Variants in SCAPER observed in about 807,000 individuals in gnomAD.
The protein encoded by SCAPER is S phase cyclin A-associated protein in the endoplasmic reticulum.
A neutral mutation model predicts 182.2 loss-of-function variants in SCAPER; 98 were observed. The observed-to-expected ratio is 0.54, with a 90% confidence interval of 0.46 to 0.64. SCAPER has a LOEUF of 0.64. Ranked by LOEUF, SCAPER falls within the 30% of genes least tolerant of loss-of-function variation. SCAPER has a pLI of 0.00. For missense variants in SCAPER, 1,432 were observed against 1,690.0 expected (o/e 0.85, Z 2.68); for synonymous variants, 605 against 564.6 (o/e 1.07, Z -1.01).
At chr15:76,453,796 T>C (rs929074548) in intron 25 of SCAPER, among the ~76,000 whole-genome samples, 13 of 152,230 alleles carry the variant, frequency 8.5e-5, no homozygotes, top group African/African-American at 3.1e-4. Context: ...GGGTATGGCA[T>C]AAGTATTTAA....
chr15:76,429,245 G>C (rs940839222), intron 26 of SCAPER, among the ~76,000 whole-genome samples: 3 of 152,052 alleles, frequency 2.0e-5, no homozygotes, highest in Non-Finnish European at 1.5e-5. Context: ...TCTTGGTTAT[G>C]TCTTTATCAG....
chr15:76,829,301 C>G (rs1329071747), intron 5 of SCAPER, among the ~76,000 whole-genome samples: 2 of 152,050 alleles, frequency 1.3e-5, no homozygotes, highest in African/African-American at 2.4e-5. Context: ...TCTGGGGACT[C>G]AGGAAAGGTG....
chr15:76,700,733 T>C (rs2058896987), intron 20 of SCAPER, among the ~76,000 whole-genome samples: 1 of 152,162 alleles, frequency 6.6e-6, no homozygotes, highest in African/African-American at 2.4e-5. Flanking sequence ...ACAGACATGT[T>C]CCTGATGCTA....
intron 23 of SCAPER, among the ~76,000 whole-genome samples, chr15:76,524,423 C>A (rs1400878376): frequency 6.6e-6 from 1 of 152,032 alleles, no homozygotes; most frequent in East Asian, 1.9e-4. Context: ...AAGAGAAGAT[C>A]ATTACTTCTG....
At chr15:76,610,797 C>T (rs2050908933) in intron 22 of SCAPER, among the ~76,000 whole-genome samples, 1 of 152,236 alleles carries the variant, frequency 6.6e-6, no homozygotes, top group South Asian at 2.1e-4. Flanking sequence ...TAAATAGATA[C>T]CCCATGTTAA....
rs145230327 is a variant in SCAPER at position 76,661,403 on chromosome 15, T to A, written c.2645+4250A>T. Among the ~76,000 whole-genome samples the A allele has an allele frequency of 7.7e-3, 1,172 of 152,164 alleles. 13 individuals carry two copies. Among genetic ancestry groups the A allele is most frequent in the African/African-American group, 0.027 (1,124 of 41,518 alleles). On this transcript the variant is annotated intron_variant, in intron 21 of 31. Transcript: ENST00000563290. The stretch of plus-strand genomic sequence containing the variant: ...AAGAGCAAACAGGCAACCTACAGAA[T>A]GGGAGAAAAATTTTTCAATCTACCC...
rs1555617105 is a variant in SCAPER, at chr15:76,813,249, A to AAAAAC, written c.394-8617_394-8616insGTTTT. On this transcript the variant is annotated intron_variant, in intron 5 of 31. Transcript: ENST00000563290. ...CACTAAAAAAAAAAAAAAAAAAAAA[A>AAAAAC]AAAAAACAACTCAACAAAATAGGTA... Among the ~76,000 whole-genome samples, 111 of 60,170 alleles carry AAAAAC rather than the reference A, an allele frequency of 1.8e-3. 5 individuals carry two copies. Among genetic ancestry groups the AAAAAC allele is most frequent in the Non-Finnish European group, 3.8e-3 (82 of 21,528 alleles). The allele number at this position is 60,170 out of a possible 152,430, so 39.5% of individuals were successfully genotyped here.
chr15:76,605,969 C>A (rs1194359736), intron 22 of SCAPER, among the ~76,000 whole-genome samples: 1 of 152,140 alleles, frequency 6.6e-6, no homozygotes, highest in Non-Finnish European at 1.5e-5. Context: ...TTCGAAAAAC[C>A]AGCTCCTGGA....
chr15:76,769,422 G>A (rs2063319353), intron 10 of SCAPER, among the ~76,000 whole-genome samples: 2 of 142,612 alleles, frequency 1.4e-5, no homozygotes, highest in Non-Finnish European at 3.0e-5. Flanking sequence ...TGGCCTGGGG[G>A]ACACAGTGAG....
rs1005670876 is a variant in SCAPER, at chr15:76,393,619, T to C, written c.3467+10905A>G. Reference sequence around the variant, plus strand: ...ACATTTCTGGTCCCCTATGCTCTTCTAGAACCTTCATCCTCCCCAGGAAGA... The same window carrying C: ...ACATTTCTGGTCCCCTATGCTCTTCCAGAACCTTCATCCTCCCCAGGAAGA... On this transcript the variant is annotated intron_variant, in intron 27 of 31. Transcript: ENST00000563290. 2.6e-5 allele frequency among the ~76,000 whole-genome samples: 4 copies of C among 152,242 alleles called. No individual in the cohort carries two copies. The East Asian group carries it at 7.7e-4, about 29-fold the overall frequency.
At chr15:76,893,966 C>T (rs896241369) in intron 1 of SCAPER, among the ~76,000 whole-genome samples, 14 of 152,108 alleles carry the variant, frequency 9.2e-5, no homozygotes, top group African/African-American at 3.1e-4. Context: ...TAAAGACAGA[C>T]AGGGCCAGGC....
At chr15:76,829,488 C>T (rs1353161933) in intron 5 of SCAPER, among the ~76,000 whole-genome samples, 2 of 152,168 alleles carry the variant, frequency 1.3e-5, no homozygotes, top group Non-Finnish European at 2.9e-5. Context: ...TTTGTAAATA[C>T]TTAGCATCAC....
intron 17 of SCAPER, among the ~76,000 whole-genome samples, chr15:76,710,296 A>T (rs8040418): frequency 0.02 from 3,081 of 152,262 alleles, 96 homozygotes; most frequent in African/African-American, 0.063. Context: ...ATAATAATAA[A>T]AAACCTATCC....
chr15:76,361,389 T>C (rs1453543104), intron 29 of SCAPER, among the ~76,000 whole-genome samples: 1 of 152,236 alleles, frequency 6.6e-6, no homozygotes, highest in East Asian at 1.9e-4. Context: ...GGGAATGGAA[T>C]ACTGAACAAA....
chr15:76,630,202 A>T (rs2052974465), intron 21 of SCAPER, among the ~76,000 whole-genome samples: 2 of 151,932 alleles, frequency 1.3e-5, no homozygotes, highest in South Asian at 4.1e-4. Context: ...CTTCTTTATT[A>T]GTCTAGCTAG....
chr15:76,894,692 T>C (rs2074334495), intron 1 of SCAPER, among the ~76,000 whole-genome samples: 1 of 151,996 alleles, frequency 6.6e-6, no homozygotes, highest in African/African-American at 2.4e-5. Context: ...AAATTACAAA[T>C]GTAAGAGGAA....
At chr15:76,655,727 A>G (rs1042343177) in intron 21 of SCAPER, among the ~76,000 whole-genome samples, 1 of 152,244 alleles carries the variant, frequency 6.6e-6, no homozygotes, top group Non-Finnish European at 1.5e-5. Context: ...CAGAAACACT[A>G]TAAGGCAGAA....
At chr15:76,437,985 A>G (rs1223082364) in intron 25 of SCAPER, among the ~76,000 whole-genome samples, 1 of 152,142 alleles carries the variant, frequency 6.6e-6, no homozygotes, top group East Asian at 1.9e-4. Context: ...AAGGAATAAT[A>G]TAAAAAAGAA....
At chr15:76,672,498 A>ATCACTATC (rs2057095372) in intron 20 of SCAPER, among the ~76,000 whole-genome samples, 2 of 152,208 alleles carry the variant, frequency 1.3e-5, no homozygotes, top group African/African-American at 4.8e-5. Context: ...AACAACAGAA[A>ATCACTATC]TCACTATCTT....
Sources: allele counts gnomAD v4.1 joint callset (sites outside exome capture counted in the v4.1 genomes callset), GRCh38; gene constraint gnomAD v4.1.1; transcripts MANE v1.5; gene names NCBI Gene and HGNC (gene_info 2026-07-23, HGNC 2026-07-21).